The following MICAL3 variants were observed in gnomAD, a reference collection of about 807,000 sequenced individuals.
MICAL3 encodes [F-actin]-monooxygenase MICAL3.
A neutral mutation model predicts 207.4 loss-of-function variants in MICAL3; 62 were observed. That is an observed-to-expected ratio of 0.30 (90% confidence interval 0.24 to 0.37). The LOEUF (loss-of-function observed/expected upper bound fraction) is 0.37. Among genes scored for constraint, MICAL3 ranks in the 10% least tolerant of loss-of-function variants. MICAL3 has a pLI of 1.00. For missense variants in MICAL3, 2,368 were observed against 2,635.6 expected (o/e 0.90, Z 2.22); for synonymous variants, 1,077 against 1,069.3 (o/e 1.01, Z -0.14).
chr22:17,929,871 A>G lies in MICAL3; in HGVS notation c.-74-22985T>C, dbSNP rs8140832. 9.9e-3 allele frequency among the ~76,000 whole-genome samples: 1,508 copies of G among 152,278 alleles called. 25 individuals carry two copies. Among genetic ancestry groups the G allele is most frequent in the African/African-American group, 0.035 (1,460 of 41,564 alleles). ...GCGTGAGCCACTGCGCCCGGCCTCT[A>G]TGCTCCATTTCAGAAGGAATAAACC... is the stretch of plus-strand genomic sequence containing the variant. On this transcript the variant is annotated intron_variant, in intron 1 of 31. Transcript: ENST00000441493.
chr22:17,998,532 CATAATA>C (rs201722452), intron 1 of MICAL3, among the ~76,000 whole-genome samples: 3 of 149,254 alleles, frequency 2.0e-5, no homozygotes, highest in African/African-American at 4.9e-5. Context: ...AAATCCAGAG[CATAATA>C]ATAATAATAA....
chr22:17,867,714 T>TG (rs1434193799), intron 17 of MICAL3, among the ~76,000 whole-genome samples: 3 of 152,032 alleles, frequency 2.0e-5, no homozygotes, highest in Non-Finnish European at 4.4e-5. Flanking sequence ...GTGAGGGAGG[T>TG]GAGGGAAGGG....
chr22:17,855,839 T>C (rs970557429), intron 19 of MICAL3, among the ~76,000 whole-genome samples: 2 of 151,318 alleles, frequency 1.3e-5, no homozygotes, highest in Non-Finnish European at 3.0e-5. Flanking sequence ...CACTGGCTTC[T>C]CCAGGGCATC....
chr22:17,845,030 C>T (rs1362844681), intron 19 of MICAL3, among the ~76,000 whole-genome samples: 7 of 152,206 alleles, frequency 4.6e-5, no homozygotes, highest in African/African-American at 1.4e-4. Flanking sequence ...TGAGGATACA[C>T]TGTCTGTGGC....
At chr22:17,821,333 G>T in intron 25 of MICAL3, 94 bp downstream of exon 25, 2 of 1,120,892 alleles carry the variant, frequency 1.8e-6, no homozygotes, top group Non-Finnish European at 2.5e-6. Flanking sequence ...GTCTTGGTGG[G>T]ACCCACACCA....
chr22:18,011,194 G>C (rs1181239040), intron 1 of MICAL3, among the ~76,000 whole-genome samples: 1 of 152,226 alleles, frequency 6.6e-6, no homozygotes, highest in Non-Finnish European at 1.5e-5. Flanking sequence ...AGTAGGCAGA[G>C]AGATAAATGC....
At chr22:18,014,802 G>T (rs954791081) in intron 1 of MICAL3, among the ~76,000 whole-genome samples, 2 of 152,138 alleles carry the variant, frequency 1.3e-5, no homozygotes, top group Non-Finnish European at 2.9e-5. Context: ...GACCATCCTA[G>T]CTAACACGGT....
At chr22:17,910,665 G>T (rs919849181) in intron 1 of MICAL3, among the ~76,000 whole-genome samples, 6 of 152,192 alleles carry the variant, frequency 3.9e-5, no homozygotes, top group Non-Finnish European at 7.3e-5. Flanking sequence ...GCAGCTGAAT[G>T]ATGACTGCAG....
intron 1 of MICAL3, among the ~76,000 whole-genome samples, chr22:18,003,967 G>A (rs531518838): frequency 5.4e-4 from 82 of 152,142 alleles, no homozygotes; most frequent in Middle Eastern, 3.4e-3. Context: ...ACAGGGTTTC[G>A]CCATGTTGGC....
intron 16 of MICAL3, among the ~76,000 whole-genome samples, chr22:17,872,537 G>C (rs1927829765): frequency 6.6e-6 from 1 of 152,172 alleles, no homozygotes; most frequent in Non-Finnish European, 1.5e-5. Context: ...ATTCCGTGTT[G>C]ACATAGTTCA....
At chr22:17,800,109 G>A (rs1053637751) in intron 29 of MICAL3, among the ~76,000 whole-genome samples, 53 of 152,072 alleles carry the variant, frequency 3.5e-4, no homozygotes, top group African/African-American at 1.2e-3. Context: ...ACAGGAAGAC[G>A]GCTGCTCAGA....
intron 1 of MICAL3, among the ~76,000 whole-genome samples, chr22:17,928,899 T>C (rs1031579272): frequency 6.6e-6 from 1 of 151,882 alleles, no homozygotes; most frequent in African/African-American, 2.4e-5. Flanking sequence ...GGTTCACGCC[T>C]TTCTCCTGCC....
At chr22:17,876,847 G>C (rs199505798) in intron 16 of MICAL3, 4 of 57,870 alleles carry the variant, frequency 6.9e-5, no homozygotes, top group African/African-American at 2.3e-4. Flanking sequence ...AGGGAGGTTA[G>C]GGAGGTTATG....
chr22:17,805,343 C>A (rs977920801), intron 29 of MICAL3, among the ~76,000 whole-genome samples: 2 of 151,500 alleles, frequency 1.3e-5, no homozygotes, highest in Non-Finnish European at 2.9e-5. Context: ...CAAGGAGGGG[C>A]AGGGCCACGG....
At chr22:17,901,341 T>C (rs941362997) in intron 5 of MICAL3, among the ~76,000 whole-genome samples, 3 of 152,134 alleles carry the variant, frequency 2.0e-5, no homozygotes, top group African/African-American at 7.2e-5. Flanking sequence ...ACTCAAGGTA[T>C]GGTTGGTCTC....
intron 19 of MICAL3, among the ~76,000 whole-genome samples, chr22:17,855,527 G>C (rs897806793): frequency 5.3e-5 from 8 of 152,230 alleles, no homozygotes; most frequent in Non-Finnish European, 1.0e-4. Flanking sequence ...ATCACTGGCA[G>C]GGCGGACGGA....
In MICAL3 at chr22:17,829,164, C is replaced by T. The variant is rs568394882; in HGVS notation, c.3056-1383G>A. On this transcript the variant is annotated intron_variant, in intron 21 of 31. Transcript: ENST00000441493. Reference sequence around the variant, plus strand: ...GTGGACTTTTTCTGAGGTGAATTTGCCTTTTTTTTTTTTTTTTTTGAGACG... The same window carrying T: ...GTGGACTTTTTCTGAGGTGAATTTGTCTTTTTTTTTTTTTTTTTTGAGACG... Among the ~76,000 whole-genome samples the T allele has an allele frequency of 2.4e-3, 330 of 140,120 alleles. 1 individual carries two copies. Among genetic ancestry groups the T allele is most frequent in the African/African-American group, 8.4e-3 (319 of 37,848 alleles). The allele number at this position is 140,120 out of a possible 152,430, so 91.9% of individuals were successfully genotyped here.
intron 19 of MICAL3, chr22:17,842,229 C>T (rs1924090807): frequency 8.4e-6 from 5 of 593,784 alleles, no homozygotes; most frequent in South Asian, 6.1e-5. Flanking sequence ...CCCTGTCTGC[C>T]CTCCAGGTCA....
rs1052825181 is a variant in MICAL3, at chr22:17,930,599, G to T, written c.-74-23713C>A. 2.0e-5 allele frequency among the ~76,000 whole-genome samples: 3 copies of T among 152,218 alleles called. No individual in the cohort carries two copies. The South Asian group carries it at 6.2e-4, about 32-fold the overall frequency. On this transcript the variant is annotated intron_variant, in intron 1 of 31. Coordinates refer to ENST00000441493, the MANE Select transcript of MICAL3 (RefSeq NM_015241.3). ...CCATGTACACAAAGACAAGAACAAA[G>T]TTTATGTCTATGGTGCAGAAGTCGG...
Sources: allele counts gnomAD v4.1 joint callset (sites outside exome capture counted in the v4.1 genomes callset), GRCh38; gene constraint gnomAD v4.1.1; transcripts MANE v1.5; gene names NCBI Gene and HGNC (gene_info 2026-07-23, HGNC 2026-07-21).